The following SSBP2 variants were observed in gnomAD, a reference collection of about 807,000 sequenced individuals.
The protein encoded by SSBP2 is single-stranded DNA-binding protein 2.
SSBP2 carries 17 observed loss-of-function variants against 61.8 expected under a neutral mutation model. That is an observed-to-expected ratio of 0.28 (90% CI 0.19 to 0.41). SSBP2 has a LOEUF of 0.41. Ranked by LOEUF, SSBP2 falls within the 10% of genes least tolerant of loss-of-function variation. The pLI is 1.00. For missense variants in SSBP2, 310 were observed against 458.7 expected, an observed-to-expected ratio of 0.68 and a Z score of 2.96; for synonymous variants, 139 against 141.3, an observed-to-expected ratio of 0.98 and a Z score of 0.12.
chr5:81,564,290 G>A (rs887619835), intron 4 of SSBP2, among the ~76,000 whole-genome samples: 5 of 152,166 alleles, frequency 3.3e-5, no homozygotes, highest in Admixed American at 1.3e-4. Flanking sequence ...AGAGAATGGA[G>A]AAAGGGAGGG....
At chr5:81,454,971 C>T (rs1368325493) in intron 10 of SSBP2, among the ~76,000 whole-genome samples, 1 of 151,944 alleles carries the variant, frequency 6.6e-6, no homozygotes, top group East Asian at 1.9e-4. Context: ...CAATAGTATT[C>T]ACTGAGGAGG....
intron 1 of SSBP2, among the ~76,000 whole-genome samples, chr5:81,676,479 C>T (rs1554110502): frequency 6.6e-6 from 1 of 152,136 alleles, no homozygotes; most frequent in South Asian, 2.1e-4. Flanking sequence ...AATCTCATTC[C>T]GTATCTCAAC....
intron 4 of SSBP2, among the ~76,000 whole-genome samples, chr5:81,601,190 G>A (rs926786428): frequency 1.3e-5 from 2 of 152,138 alleles, no homozygotes; most frequent in African/African-American, 4.8e-5. Flanking sequence ...TAATTTCCAT[G>A]ACTCAATTTA....
chr5:81,436,899 T>A (rs1448223661), intron 15 of SSBP2, among the ~76,000 whole-genome samples: 1 of 152,206 alleles, frequency 6.6e-6, no homozygotes, highest in South Asian at 2.1e-4. Context: ...CTCACTTTCC[T>A]GCTTGTACGA....
rs557125909 is a variant in SSBP2, at chr5:81,420,190, A to G, written c.*314T>C. On this transcript the variant is annotated 3_prime_UTR_variant, in exon 17 of 17. Coordinates refer to ENST00000320672, the MANE Select transcript of SSBP2 (RefSeq NM_012446.5). ...ATATTTTACAATGTCCTGTGGGTCAATGTATGTATGTGTATATGTCTGTAT... is the reference window on the plus strand; with the variant it reads ...ATATTTTACAATGTCCTGTGGGTCAGTGTATGTATGTGTATATGTCTGTAT... 1.6e-4 allele frequency: 44 copies of G among 275,526 alleles called. No homozygotes were observed. The highest frequency in any genetic ancestry group is 8.8e-4 in the African/African-American group (40 of 45,714). The allele number at this position is 275,526 out of a possible 1,614,324, so 17.1% of individuals were successfully genotyped here. A position where few individuals can be genotyped will look rare whatever the true frequency, so the allele number is the denominator to read the frequency against.
chr5:81,497,829 T>C (rs1767404533), intron 5 of SSBP2, among the ~76,000 whole-genome samples: 1 of 152,108 alleles, frequency 6.6e-6, no homozygotes, highest in Admixed American at 6.5e-5. Context: ...TCTTAGGTAG[T>C]TTTACAGAAT....
chr5:81,498,813 TA>T (rs1464243529), intron 5 of SSBP2, among the ~76,000 whole-genome samples: 1 of 152,116 alleles, frequency 6.6e-6, no homozygotes, highest in African/African-American at 2.4e-5. Flanking sequence ...ATATTGAGAA[TA>T]TTACGTTGAA....
chr5:81,528,975 C>G (rs1012426200), intron 4 of SSBP2, among the ~76,000 whole-genome samples: 3 of 151,704 alleles, frequency 2.0e-5, no homozygotes, highest in Non-Finnish European at 4.4e-5. Context: ...CAGATTTTCC[C>G]GCAATTCATT....
rs181042252 is a variant in SSBP2 at position 81,694,645 on chromosome 5, C to A, written c.63-44306G>T. 2.0e-5 allele frequency among the ~76,000 whole-genome samples: 3 copies of A among 152,178 alleles called. No individual in the cohort carries two copies. In the East Asian group the frequency reaches 5.8e-4, roughly 29 times the overall value. On this transcript the variant is annotated intron_variant, in intron 1 of 16. Coordinates refer to ENST00000320672, the MANE Select transcript of SSBP2 (RefSeq NM_012446.5). ...TCAGTCTCTATCCTCCACCCTTACC[C>A]CACCACCACCAAACTAAAGTGACAG...
intron 1 of SSBP2, among the ~76,000 whole-genome samples, chr5:81,686,433 C>T (rs1346477507): frequency 2.0e-5 from 3 of 152,024 alleles, no homozygotes; most frequent in African/African-American, 7.3e-5. Context: ...CTAAAATCAA[C>T]TTGCAAAATC....
chr5:81,559,369 A>G (rs1772855732), intron 4 of SSBP2, among the ~76,000 whole-genome samples: 1 of 146,596 alleles, frequency 6.8e-6, no homozygotes, highest in Non-Finnish European at 1.5e-5. Flanking sequence ...CCTGGTTGAC[A>G]GAGCGAGATT....
chr5:81,512,540 G>A (rs1768696809), intron 5 of SSBP2, among the ~76,000 whole-genome samples: 1 of 152,158 alleles, frequency 6.6e-6, no homozygotes, highest in African/African-American at 2.4e-5. Flanking sequence ...ACGACAGAAT[G>A]TGACTCTAAG....
At chr5:81,630,240 A>G (rs1320494902) in intron 3 of SSBP2, among the ~76,000 whole-genome samples, 1 of 152,224 alleles carries the variant, frequency 6.6e-6, no homozygotes, top group East Asian at 1.9e-4. Flanking sequence ...AACAATTATT[A>G]GAGTCCTGAA....
chr5:81,616,826 C>A (rs1470961357), intron 3 of SSBP2, among the ~76,000 whole-genome samples: 1 of 152,054 alleles, frequency 6.6e-6, no homozygotes, highest in Non-Finnish European at 1.5e-5. Flanking sequence ...TGGGAGGCAC[C>A]CCCCAGCAGG....
chr5:81,733,162 CTTA>C (rs776047796), intron 1 of SSBP2, among the ~76,000 whole-genome samples: 2 of 151,976 alleles, frequency 1.3e-5, no homozygotes, highest in Admixed American at 6.5e-5. Context: ...AGATAAAAAT[CTTA>C]TTAAGCTCAT....
At chr5:81,467,994 A>G (rs889216617) in intron 8 of SSBP2, among the ~76,000 whole-genome samples, 1 of 151,970 alleles carries the variant, frequency 6.6e-6, no homozygotes, top group African/African-American at 2.4e-5. Flanking sequence ...TCTGATCATG[A>G]TGTCTTTCCT....
chr5:81,535,660 GAC>G (rs923804165), intron 4 of SSBP2, among the ~76,000 whole-genome samples: 13 of 151,996 alleles, frequency 8.6e-5, no homozygotes, highest in African/African-American at 3.1e-4. Context: ...ATGGAGAAAA[GAC>G]AGCCTTTTCA....
chr5:81,540,675 C>T (rs1336125419), intron 4 of SSBP2, among the ~76,000 whole-genome samples: 1 of 152,048 alleles, frequency 6.6e-6, no homozygotes, highest in Non-Finnish European at 1.5e-5. Flanking sequence ...AATGCTATTG[C>T]ATGTTTAATA....
chr5:81,597,253 G>A (rs558244328), intron 4 of SSBP2, among the ~76,000 whole-genome samples: 1 of 152,250 alleles, frequency 6.6e-6, no homozygotes, highest in East Asian at 1.9e-4. Context: ...AAACACACAT[G>A]AAAAAATGCT....
Sources: allele counts gnomAD v4.1 joint callset (sites outside exome capture counted in the v4.1 genomes callset), GRCh38; gene constraint gnomAD v4.1.1; transcripts MANE v1.5; gene names NCBI Gene and HGNC (gene_info 2026-07-23, HGNC 2026-07-21).